Variants in SIRPB1 observed in about 807,000 individuals in gnomAD.
SIRPB1 encodes the protein signal regulatory protein beta 1.
SIRPB1 carries 28 observed loss-of-function variants against 34.1 expected under a neutral mutation model. The observed-to-expected ratio is 0.82, with a 90% CI of 0.61 to 1.12. The LOEUF is 1.12. Ranked by LOEUF, SIRPB1 falls within the 50% of genes most tolerant of loss-of-function variation. The probability of loss-of-function intolerance (pLI) is 0.00; values close to 1 mark genes in which losing one functional copy is unlikely to be tolerated. For missense variants in SIRPB1, 499 were observed against 507.0 expected (o/e 0.98, Z 0.15); for synonymous variants, 211 against 203.8 (o/e 1.04, Z -0.30).
chr20:1,577,901 C>G (rs2091339874), intron 2 of SIRPB1, among the ~76,000 whole-genome samples: 1 of 147,826 alleles, frequency 6.8e-6, no homozygotes, highest in Non-Finnish European at 1.5e-5. Context: ...TGCGCAGCAT[C>G]CAGGGCAGAG....
chr20:1,577,504 G>C (rs2091331699), intron 2 of SIRPB1, among the ~76,000 whole-genome samples: 1 of 147,556 alleles, frequency 6.8e-6, no homozygotes, highest in Admixed American at 6.7e-5. Flanking sequence ...CCCCACATAA[G>C]CATTGTTGCT....
At chr20:1,619,808 C>G in intron 1 of SIRPB1, 61 bp downstream of exon 1, 1 of 1,242,058 alleles carries the variant, frequency 8.1e-7, no homozygotes, top group Non-Finnish European at 1.2e-6. Context: ...CCCTGAAAGT[C>G]CAGGGACAGG....
Position 1,589,053 on chromosome 20 carries a change from C to G in SIRPB1, c.77-10359G>C, listed in dbSNP as rs1294576642. Among the ~76,000 whole-genome samples, 2 of 48,594 alleles carry G rather than the reference C, an allele frequency of 4.1e-5. 1 individual carries two copies. Among genetic ancestry groups the G allele is most frequent in the Non-Finnish European group, 7.9e-5 (2 of 25,298 alleles). The allele number at this position is 48,594 out of a possible 152,430, so 31.9% of individuals were successfully genotyped here. A position where few individuals can be genotyped will look rare whatever the true frequency, so the allele number is the denominator to read the frequency against. ...GGTTGGCTTGTTGCTTCGTTCTGCA[C>G]CAGCCTCAACCAAGTGCTACTCAGC... On this transcript the variant is annotated intron_variant, in intron 1 of 5. Transcript: ENST00000381605.
In SIRPB1 at chr20:1,571,787, C is replaced by G; in HGVS notation, c.684G>C (p.Glu228Asp). The G allele has an allele frequency of 6.2e-7, 1 of 1,614,230 alleles. No individual in the cohort carries two copies. Among genetic ancestry groups the G allele is most frequent in the East Asian group, 2.2e-5 (1 of 44,882 alleles). ...CCCCCTGCAAGGTGATGTGGGCTAT[C>G]TCGCAGATGACTTGAGAGTGAACGT... is the stretch of plus-strand genomic sequence containing the variant. Reference protein sequence around the residue: ...RGDVHSQVICEIAHITLQGDP... With the variant: ...RGDVHSQVICDIAHITLQGDP... Residue 228 changes from glutamate (E) to aspartate (D), a missense_variant, in exon 3 of 6, where the codon GAG becomes GAC. Glu to Asp is a conservative substitution (Grantham distance 45). Coordinates refer to ENST00000381605, the MANE Select transcript of SIRPB1 (RefSeq NM_006065.5).
intron 4 of SIRPB1, among the ~76,000 whole-genome samples, chr20:1,566,929 G>T (rs1244913593): frequency 6.6e-6 from 1 of 152,056 alleles, no homozygotes; most frequent in Non-Finnish European, 1.5e-5. Flanking sequence ...CTCGGGCTTG[G>T]AAGGGCCTCA....
chr20:1,617,238 T>C (rs1214380651), intron 1 of SIRPB1, among the ~76,000 whole-genome samples: 1 of 152,182 alleles, frequency 6.6e-6, no homozygotes, highest in Non-Finnish European at 1.5e-5. Context: ...ATATCTGTGC[T>C]CCCATGTCCA....
chr20:1,577,248 CA>C (rs1234051262), intron 2 of SIRPB1, among the ~76,000 whole-genome samples: 1 of 147,982 alleles, frequency 6.8e-6, no homozygotes, highest in Non-Finnish European at 1.5e-5. Flanking sequence ...TATGATGCAC[CA>C]GGCTCTTCTA....
Position 1,571,729 on chromosome 20 carries a change from C to T in SIRPB1, c.742G>A (p.Ala248Thr). The T allele has an allele frequency of 6.2e-7, 1 of 1,614,166 alleles. No individual in the cohort carries two copies. The highest frequency in any genetic ancestry group is 8.5e-7 in the Non-Finnish European group (1 of 1,180,028). ...TGTGAGGGTCTTCTACCTCGGATGGCCTCAGACAAGTTGGCAGTCCCACGA... is the reference window on the plus strand; with the variant it reads ...TGTGAGGGTCTTCTACCTCGGATGGTCTCAGACAAGTTGGCAGTCCCACGA... ...PLRGTANLSE[A>T]IRVPPTLEVT... The change falls in exon 3 of 6, where the codon GCC (alanine) becomes ACC (threonine). Residue 248 changes from alanine (A) to threonine (T), a missense_variant. Coordinates refer to ENST00000381605, the MANE Select transcript of SIRPB1 (RefSeq NM_006065.5).
rs1346478923 is a variant in SIRPB1 at position 1,568,012 on chromosome 20, G to T, written c.1085-1745C>A. ...CTCAGTTTCAATGGCTGCTATGCTGGGATAGGGCCCTGATGGGGAAGTTGT... is the reference window on the plus strand; with the variant it reads ...CTCAGTTTCAATGGCTGCTATGCTGTGATAGGGCCCTGATGGGGAAGTTGT... On this transcript the variant is annotated intron_variant, in intron 4 of 5. Transcript: ENST00000381605. 3.3e-5 allele frequency among the ~76,000 whole-genome samples: 5 copies of T among 152,188 alleles called. No homozygotes were observed. The East Asian group carries it at 7.7e-4, about 23-fold the overall frequency.
At chr20:1,614,900 C>T (rs927780603) in intron 1 of SIRPB1, among the ~76,000 whole-genome samples, 1 of 152,114 alleles carries the variant, frequency 6.6e-6, no homozygotes, top group Non-Finnish European at 1.5e-5. Flanking sequence ...CTATGTACAG[C>T]TTTGTGTTGC....
intron 2 of SIRPB1, 91 bp downstream of exon 2, chr20:1,578,247 C>G: frequency 7.2e-7 from 1 of 1,395,066 alleles, no homozygotes; most frequent in Non-Finnish European, 1.0e-6. Context: ...TCAGCCACCA[C>G]CACACCTGGC....
intron 1 of SIRPB1, among the ~76,000 whole-genome samples, chr20:1,612,947 G>A (rs1338575263): frequency 1.4e-5 from 1 of 71,838 alleles, no homozygotes; most frequent in Non-Finnish European, 2.6e-5. Context: ...TAAGTCTGAC[G>A]AAGAAGTCCA....
intron 1 of SIRPB1, among the ~76,000 whole-genome samples, chr20:1,612,305 A>G (rs1366621143): frequency 2.8e-5 from 2 of 72,484 alleles, no homozygotes; most frequent in Middle Eastern, 7.2e-3. Context: ...AAGAGGTTCA[A>G]TTTCAATGTA....
At chr20:1,588,549 G>A (rs1283752628) in intron 1 of SIRPB1, 1 of 589,134 alleles carries the variant, frequency 1.7e-6, no homozygotes, top group Admixed American at 3.3e-5. Context: ...CTAGCCCAAG[G>A]CAATGCTTAC....
intron 4 of SIRPB1, among the ~76,000 whole-genome samples, 179 bp from the exon 5 acceptor site, chr20:1,566,446 C>T (rs532539136): frequency 6.6e-5 from 10 of 152,236 alleles, no homozygotes; most frequent in Non-Finnish European, 1.5e-4. Context: ...AAAGTGGCTC[C>T]TCATTCTCAC....
Position 1,590,591 on chromosome 20 carries a change from A to G in SIRPB1, c.77-11897T>C, listed in dbSNP as rs1490439647. On this transcript the variant is annotated intron_variant, in intron 1 of 5. Transcript: ENST00000381605. ...GAGAGTAATGGATTTGCTCAAGATC[A>G]CTAAGCTTTTAGAACTAGAGCATAG... 8.0e-5 allele frequency among the ~76,000 whole-genome samples: 4 copies of G among 49,788 alleles called. 2 individuals are homozygous for G. Among genetic ancestry groups the G allele is most frequent in the Non-Finnish European group, 1.6e-4 (4 of 25,678 alleles). 32.7% of individuals were successfully genotyped at this position (49,788 alleles called of 152,430 possible).
intron 4 of SIRPB1, among the ~76,000 whole-genome samples, chr20:1,567,098 T>A (rs894935679): frequency 1.3e-5 from 2 of 152,018 alleles, no homozygotes; most frequent in African/African-American, 4.8e-5. Flanking sequence ...TAAAAAAAAT[T>A]TTTTTTAAAA....
intron 4 of SIRPB1, among the ~76,000 whole-genome samples, chr20:1,568,742 T>C (rs1244439353): frequency 6.6e-6 from 1 of 151,440 alleles, no homozygotes; most frequent in African/African-American, 2.4e-5. Flanking sequence ...TCAATAAATA[T>C]AAATCCCGCA....
Position 1,589,099 on chromosome 20 carries a change from G to A in SIRPB1, c.77-10405C>T, listed in dbSNP as rs1228722963. Among the ~76,000 whole-genome samples the A allele has an allele frequency of 4.1e-5, 2 of 48,926 alleles. 1 individual carries two copies. The highest frequency in any genetic ancestry group is 7.9e-5 in the Non-Finnish European group (2 of 25,416). The allele number at this position is 48,926 out of a possible 152,430, so 32.1% of individuals were successfully genotyped here. On this transcript the variant is annotated intron_variant, in intron 1 of 5. Transcript: ENST00000381605. Reference sequence around the variant, plus strand: ...TCAGCAGGGGGCAACAGGAGGGATCGCAGGAGCCTCTTGATGTTGGAGAGG... The same window carrying A: ...TCAGCAGGGGGCAACAGGAGGGATCACAGGAGCCTCTTGATGTTGGAGAGG...
Sources: gnomAD v4.1 joint callset for allele counts (sites outside exome capture counted in the v4.1 genomes callset) on GRCh38, gnomAD v4.1.1 for gene constraint, MANE v1.5 for transcripts, NCBI Gene and HGNC (gene_info 2026-07-23, HGNC 2026-07-21) for gene names.